STAU1: variants seen among roughly 807,000 people sequenced by gnomAD.
The protein encoded by STAU1 is double-stranded RNA-binding protein Staufen homolog 1.
In STAU1, 13 loss-of-function variants were observed where a neutral mutation model predicts 62.9. The ratio of observed to expected loss-of-function variants is 0.21; its 90% CI spans 0.13 to 0.33. STAU1 has a LOEUF of 0.33. Among genes scored for constraint, STAU1 ranks in the 10% least tolerant of loss-of-function variants. The pLI is 1.00. For missense variants in STAU1, 571 were observed against 712.1 expected, an observed-to-expected ratio of 0.80 and a Z score of 2.25; for synonymous variants, 269 against 265.1, an observed-to-expected ratio of 1.01 and a Z score of -0.14.
intron 5 of STAU1, among the ~76,000 whole-genome samples, chr20:49,143,231 T>C (rs181107212): frequency 1.8e-4 from 27 of 152,308 alleles, no homozygotes; most frequent in African/African-American, 6.0e-4. Flanking sequence ...AGTCTTATCT[T>C]CACAATGTAG....
chr20:49,134,754 A>G (rs1167451386), intron 6 of STAU1: 2 of 1,153,024 alleles, frequency 1.7e-6, no homozygotes, highest in African/African-American at 1.5e-5. Flanking sequence ...AGTCAAGGTG[A>G]GAAAGAAATG....
At chr20:49,181,766 C>CAAAAAAAAAAAAAAAAAA (rs758956478) in intron 1 of STAU1, among the ~76,000 whole-genome samples, 2 of 24,522 alleles carry the variant, frequency 8.2e-5, no homozygotes, top group Admixed American at 4.9e-4. Context: ...ACTATCTCAA[C>CAAAAAAAAAAAAAAAAAA]AAAAAAAAAA....
chr20:49,132,752 T>A (rs1054563779), intron 6 of STAU1, among the ~76,000 whole-genome samples: 1 of 141,480 alleles, frequency 7.1e-6, no homozygotes, highest in African/African-American at 2.6e-5. Context: ...AGAGCAAAAC[T>A]CCATCTCCAA....
rs1274292157 is a variant in STAU1, at chr20:49,115,249, T to G, written c.1719-356A>C. Among the ~76,000 whole-genome samples, 4 of 152,048 alleles carry G rather than the reference T, an allele frequency of 2.6e-5. No individual in the cohort carries two copies. In the East Asian group the frequency reaches 5.8e-4, roughly 22 times the overall value. ...GCTGTCCGAGGGGAAGATTGTACCT[T>G]GTAAAATAATGCAGAGTTCTGACCA... On this transcript the variant is annotated intron_variant, in intron 13 of 13. Transcript: ENST00000371856.
At chr20:49,138,798 C>T (rs911339371) in intron 5 of STAU1, among the ~76,000 whole-genome samples, 16 of 152,112 alleles carry the variant, frequency 1.1e-4, no homozygotes, top group African/African-American at 3.9e-4. Context: ...CCATACCCAG[C>T]CCACACTTGT....
chr20:49,174,835 G>A (rs2093639183), intron 1 of STAU1, among the ~76,000 whole-genome samples: 1 of 151,836 alleles, frequency 6.6e-6, no homozygotes. Context: ...TACTTGGGAG[G>A]CTGAGGCAGA....
At chr20:49,137,288 C>G (rs1276567155) in intron 5 of STAU1, among the ~76,000 whole-genome samples, 1 of 152,198 alleles carries the variant, frequency 6.6e-6, no homozygotes, top group Non-Finnish European at 1.5e-5. Flanking sequence ...CTAATAAAGT[C>G]TCCTCAACAA....
the STAU1 span, among the ~76,000 whole-genome samples, chr20:49,208,931 T>C: frequency 2.8e-5 from 4 of 145,114 alleles, no homozygotes; most frequent in Non-Finnish European, 4.5e-5. Context: ...CGATCCTGTC[T>C]TTTTTTTTTA....
At chr20:49,177,739 G>T (rs966856735) in intron 1 of STAU1, among the ~76,000 whole-genome samples, 3 of 151,856 alleles carry the variant, frequency 2.0e-5, no homozygotes, top group African/African-American at 7.3e-5. Flanking sequence ...AACGGAAAAA[G>T]GAGCTGTTAG....
intron 7 of STAU1, 129 bp downstream of exon 7, chr20:49,124,246 G>T (rs1214792531): frequency 1.1e-6 from 1 of 911,936 alleles, no homozygotes; most frequent in African/African-American, 1.7e-5. Flanking sequence ...CCTCTAAGGG[G>T]TCTGGCAGGC....
At chr20:49,122,737 G>A (rs753781708) in intron 8 of STAU1, among the ~76,000 whole-genome samples, 16 of 151,986 alleles carry the variant, frequency 1.1e-4, no homozygotes, top group Non-Finnish European at 1.8e-4. Context: ...CCAACATGGC[G>A]AAACTCCGTC....
Position 49,124,076 on chromosome 20 carries a change from G to A in STAU1, c.822+299C>T, listed in dbSNP as rs573345060. ...GACACAGGCACTGTTATTTCACCAC[G>A]CGCCCCACAGACCGGCATGGCGTTC... On this transcript the variant is annotated intron_variant, in intron 7 of 13. Transcript: ENST00000371856. Among the ~76,000 whole-genome samples, 24 of 152,266 alleles carry A rather than the reference G, an allele frequency of 1.6e-4. No individual in the cohort carries two copies. The East Asian group carries it at 3.7e-3, about 23-fold the overall frequency.
At chr20:49,179,900 ACTACAGGGTAGC>A (rs2093703057) in intron 1 of STAU1, among the ~76,000 whole-genome samples, 1 of 152,230 alleles carries the variant, frequency 6.6e-6, no homozygotes, top group Non-Finnish European at 1.5e-5. Context: ...GTCATTACAG[ACTACAGGGTAGC>A]CTCAGTTGAG....
At chr20:49,171,172 C>T (rs1005228948) in intron 2 of STAU1, among the ~76,000 whole-genome samples, 1 of 152,174 alleles carries the variant, frequency 6.6e-6, no homozygotes, top group Non-Finnish European at 1.5e-5. Context: ...GGCTCCACTC[C>T]CAGAGAAACT....
intron 5 of STAU1, among the ~76,000 whole-genome samples, chr20:49,145,643 T>C (rs2093113717): frequency 1.3e-5 from 2 of 150,854 alleles, no homozygotes; most frequent in East Asian, 1.9e-4. Flanking sequence ...GGCAGGAGAA[T>C]AGCTTGAATC....
At chr20:49,167,059 G>A (rs1264527613) in intron 2 of STAU1, among the ~76,000 whole-genome samples, 1 of 152,168 alleles carries the variant, frequency 6.6e-6, no homozygotes. Flanking sequence ...GGGTGGGGGA[G>A]CACTGGAGCT....
intron 2 of STAU1, among the ~76,000 whole-genome samples, chr20:49,166,767 C>G (rs1037137189): frequency 2.0e-5 from 3 of 152,118 alleles, no homozygotes; most frequent in Non-Finnish European, 4.4e-5. Flanking sequence ...AGACTGACAA[C>G]CTTAGGGCCT....
At chr20:49,166,352 C>G (rs2093526208) in intron 2 of STAU1, 67 bp from the exon 3 acceptor site, 1 of 658,784 alleles carries the variant, frequency 1.5e-6, no homozygotes, top group African/African-American at 1.8e-5. Flanking sequence ...TGCCAATATT[C>G]AGTCAAAATG....
chr20:49,198,415 G>C, the STAU1 span, among the ~76,000 whole-genome samples: 1 of 152,112 alleles, frequency 6.6e-6, no homozygotes, highest in African/African-American at 2.4e-5. Context: ...CCTGAGTCAG[G>C]AGAATGACTT....
Sources: gnomAD v4.1 joint callset for allele counts (sites outside exome capture counted in the v4.1 genomes callset) on GRCh38, gnomAD v4.1.1 for gene constraint, MANE v1.5 for transcripts, NCBI Gene and HGNC (gene_info 2026-07-23, HGNC 2026-07-21) for gene names.